Variants in PTPRM observed in about 807,000 individuals in gnomAD.
PTPRM encodes protein tyrosine phosphatase receptor type M.
In PTPRM, 47 loss-of-function variants were observed where a neutral mutation model predicts 186.7. The observed-to-expected ratio is 0.25, with a 90% CI of 0.20 to 0.32. The LOEUF (loss-of-function observed/expected upper bound fraction) is 0.32. Ranked by LOEUF, PTPRM falls within the 10% of genes least tolerant of loss-of-function variation. PTPRM has a pLI of 1.00. For missense variants in PTPRM, 1,494 were observed against 1,865.0 expected (o/e 0.80, Z 3.66); for synonymous variants, 668 against 674.9 (o/e 0.99, Z 0.16).
At chr18:8,114,688 G>C in intron 12 of PTPRM, 103 bp from the exon 13 acceptor site, 1 of 913,806 alleles carries the variant, frequency 1.1e-6, no homozygotes, top group Non-Finnish European at 1.7e-6. Flanking sequence ...TCAGAACAGT[G>C]AGATCCTTCC....
intron 2 of PTPRM, among the ~76,000 whole-genome samples, chr18:7,870,024 G>A (rs1015648902): frequency 6.6e-6 from 1 of 152,174 alleles, no homozygotes; most frequent in Non-Finnish European, 1.5e-5. Context: ...AGTTGAAATT[G>A]CACAGTGGCA....
At chr18:8,251,981 A>G (rs1019642487) in intron 17 of PTPRM, among the ~76,000 whole-genome samples, 1 of 152,216 alleles carries the variant, frequency 6.6e-6, no homozygotes, top group African/African-American at 2.4e-5. Context: ...CAGCATTATA[A>G]TGAGTTAACC....
chr18:8,188,265 G>T (rs988073897), intron 14 of PTPRM, among the ~76,000 whole-genome samples: 2 of 152,200 alleles, frequency 1.3e-5, no homozygotes, highest in African/African-American at 4.8e-5. Flanking sequence ...CAGAGGAAAG[G>T]CTCCTCCCAT....
intron 2 of PTPRM, among the ~76,000 whole-genome samples, chr18:7,829,156 A>T (rs1231072733): frequency 6.6e-6 from 1 of 152,224 alleles, no homozygotes; most frequent in African/African-American, 2.4e-5. Flanking sequence ...TGATGATAAC[A>T]GTGATATAAT....
intron 7 of PTPRM, among the ~76,000 whole-genome samples, chr18:8,030,242 A>G (rs1568215061): frequency 6.6e-6 from 1 of 152,346 alleles, no homozygotes; most frequent in East Asian, 1.9e-4. Context: ...TTTTGAGCAT[A>G]AAAGTTGTAC....
At chr18:8,384,092 CA>C (rs1226457519) in intron 29 of PTPRM, among the ~76,000 whole-genome samples, 2 of 152,086 alleles carry the variant, frequency 1.3e-5, no homozygotes, top group African/African-American at 4.8e-5. Context: ...CAAGGAAGTC[CA>C]AAAGCCTACA....
chr18:8,066,279 A>G (rs984576319), intron 7 of PTPRM, among the ~76,000 whole-genome samples: 3 of 152,212 alleles, frequency 2.0e-5, no homozygotes, highest in Non-Finnish European at 4.4e-5. Flanking sequence ...CACTATCATT[A>G]AAGAAGGCTG....
At chr18:8,227,004 G>A (rs1432703281) in intron 14 of PTPRM, among the ~76,000 whole-genome samples, 1 of 152,138 alleles carries the variant, frequency 6.6e-6, no homozygotes, top group East Asian at 1.9e-4. Context: ...GATAACACTG[G>A]CCCACTTGGA....
Position 8,262,829 on chromosome 18 carries a change from C to T in PTPRM, c.2754+9415C>T, listed in dbSNP as rs552154847. Among the ~76,000 whole-genome samples, 9 of 152,292 alleles carry T rather than the reference C, an allele frequency of 5.9e-5. No individual in the cohort carries two copies. The South Asian group carries it at 8.3e-4, about 14-fold the overall frequency. On this transcript the variant is annotated intron_variant, in intron 19 of 32. Transcript: ENST00000580170. Reference sequence around the variant, plus strand: ...TGCTGAATTGATTTCTATGTAGTTACACCTTGTAATTCATATTTGATGAAT... The same window carrying T: ...TGCTGAATTGATTTCTATGTAGTTATACCTTGTAATTCATATTTGATGAAT...
At chr18:8,015,972 A>G (rs1477455989) in intron 7 of PTPRM, among the ~76,000 whole-genome samples, 1 of 152,174 alleles carries the variant, frequency 6.6e-6, no homozygotes, top group Non-Finnish European at 1.5e-5. Flanking sequence ...AGTACCTAAA[A>G]TGTCTTCTAA....
intron 13 of PTPRM, among the ~76,000 whole-genome samples, chr18:8,138,912 T>A (rs2092700599): frequency 6.6e-6 from 1 of 152,122 alleles, no homozygotes; most frequent in Admixed American, 6.5e-5. Context: ...GCTCCCTGTG[T>A]CTGTATTCGC....
At chr18:7,644,092 T>C (rs1356733185) in intron 1 of PTPRM, among the ~76,000 whole-genome samples, 3 of 152,160 alleles carry the variant, frequency 2.0e-5, no homozygotes, top group Non-Finnish European at 1.5e-5. Flanking sequence ...AAAGGTCCAA[T>C]GAATTGAATT....
rs1326375114 is a variant in PTPRM, at chr18:7,992,650, T to C, written c.1132+37236T>C. On this transcript the variant is annotated intron_variant, in intron 7 of 32. Transcript: ENST00000580170. Reference sequence around the variant, plus strand: ...GTACGGTACAGGAAGTCCTAACTTATTGTCATTGATAGGTTCTGGGAAACT... The same window carrying C: ...GTACGGTACAGGAAGTCCTAACTTACTGTCATTGATAGGTTCTGGGAAACT... Among the ~76,000 whole-genome samples, 7 of 152,114 alleles carry C rather than the reference T, an allele frequency of 4.6e-5. No individual in the cohort carries two copies. In the East Asian group the frequency reaches 1.2e-3, roughly 25 times the overall value.
chr18:7,718,153 A>G (rs188612488), intron 1 of PTPRM, among the ~76,000 whole-genome samples: 4 of 152,300 alleles, frequency 2.6e-5, no homozygotes, highest in African/African-American at 9.6e-5. Flanking sequence ...TCACATTACC[A>G]TGCTTCAAAT....
At chr18:8,011,925 C>T (rs113125373) in intron 7 of PTPRM, among the ~76,000 whole-genome samples, 1 of 152,170 alleles carries the variant, frequency 6.6e-6, no homozygotes, top group Non-Finnish European at 1.5e-5. Flanking sequence ...CCAAATTATA[C>T]GTATAGAAAT....
rs193052491 is a variant in PTPRM, at chr18:8,149,249, G to T, written c.2300+5470G>T. Among the ~76,000 whole-genome samples the T allele has an allele frequency of 4.1e-3, 631 of 152,142 alleles. 6 individuals carry two copies. The highest frequency in any genetic ancestry group is 0.014 in the African/African-American group (601 of 41,512). Reference sequence around the variant, plus strand: ...TTGATCTGTCTAATATTGACAGTGGGGTGTTAAAGTCTCCCACAATTATTA... The same window carrying T: ...TTGATCTGTCTAATATTGACAGTGGTGTGTTAAAGTCTCCCACAATTATTA... On this transcript the variant is annotated intron_variant, in intron 14 of 32. Coordinates refer to ENST00000580170, the MANE Select transcript of PTPRM (RefSeq NM_001105244.2).
intron 15 of PTPRM, among the ~76,000 whole-genome samples, chr18:8,244,535 A>G (rs1006865766): frequency 7.2e-5 from 11 of 152,334 alleles, no homozygotes; most frequent in African/African-American, 2.2e-4. Context: ...TCCCATTTGT[A>G]AACTATCCAG....
intron 13 of PTPRM, among the ~76,000 whole-genome samples, chr18:8,128,482 A>G (rs960574533): frequency 1.3e-5 from 2 of 152,216 alleles, no homozygotes; most frequent in African/African-American, 4.8e-5. Context: ...GAAAGAATGT[A>G]AAATGAGGGT....
At chr18:8,404,242 C>T (rs961855511) in intron 32 of PTPRM, 1 of 152,206 alleles carries the variant, frequency 6.6e-6, no homozygotes, top group African/African-American at 2.4e-5. Flanking sequence ...TGAGCCTTCT[C>T]GTGAATGTTA....
Sources: allele counts gnomAD v4.1 joint callset (sites outside exome capture counted in the v4.1 genomes callset), GRCh38; gene constraint gnomAD v4.1.1; transcripts MANE v1.5; gene names NCBI Gene and HGNC (gene_info 2026-07-23, HGNC 2026-07-21).